Variants in TSPYL2 observed in about 807,000 individuals in gnomAD.
TSPYL2 encodes the protein TSPY like 2, also known as testis-specific Y-encoded-like protein 2.
In TSPYL2, 9 loss-of-function variants were observed where a neutral mutation model predicts 33.0. The observed-to-expected ratio is 0.27, with a 90% CI of 0.16 to 0.48. TSPYL2 has a LOEUF of 0.48. Among genes scored for constraint, TSPYL2 ranks in the 20% least tolerant of loss-of-function variants. The probability of loss-of-function intolerance (pLI) is 0.99; values close to 1 mark genes in which losing one functional copy is unlikely to be tolerated. For missense variants in TSPYL2, 636 were observed against 586.2 expected (o/e 1.08, Z -0.88); for synonymous variants, 330 against 233.6 (o/e 1.41, Z -3.77).
In TSPYL2 at chrX:53,086,140, G is replaced by A. The variant is rs371667688; in HGVS notation, c.1748G>A (p.Gly583Asp). ...DNDGNEGDNE[G>D]SDDDGNEGDN... The stretch of plus-strand genomic sequence containing the variant: ...GATGGCAACGAAGGTGACAATGAGG[G>A]CAGTGATGATGATGGCAATGAAGGT... Residue 583 changes from glycine (G) to aspartate (D), a missense_variant, in exon 6 of 7, where the codon GGC (glycine) becomes GAC (aspartate). This residue lies in a region of TSPYL2 where 401 missense variants were observed against 363.0 expected (regional missense o/e 1.10). Transcript: ENST00000375442. 4 of 1,195,308 alleles carry A rather than the reference G, an allele frequency of 3.3e-6. No homozygotes were observed. The highest frequency in any genetic ancestry group is 3.5e-5 in the African/African-American group (2 of 56,819).
At chrX:53,086,615 G>T (rs1283245423) in intron 6 of TSPYL2, 4 of 351,291 alleles carry the variant, frequency 1.1e-5, no homozygotes, top group Non-Finnish European at 2.0e-5. Context: ...CGAGGTGGGG[G>T]AGTGGCAAAA....
intron 6 of TSPYL2, 79 bp downstream of exon 6, chrX:53,086,389 GCATGAA>G: frequency 5.1e-6 from 5 of 981,107 alleles, no homozygotes; most frequent in Non-Finnish European, 7.1e-6. Context: ...GGGTATCAAG[GCATGAA>G]CACAATCTGC....
intron 3 of TSPYL2, 38 bp downstream of exon 3, chrX:53,084,904 C>A (rs1441746971): frequency 3.3e-6 from 4 of 1,208,902 alleles, no homozygotes; most frequent in African/African-American, 3.5e-5. Flanking sequence ...TGTTCCCCCC[C>A]TCAATCTGTC....
chrX:53,085,032 A>G lies in TSPYL2; in HGVS notation c.1076A>G (p.Asp359Gly). The change falls in exon 4 of 7, where the codon GAT (aspartate) becomes GGT (glycine). Residue 359 changes from aspartate to glycine, a missense_variant. Around this residue, in one of 3 missense-constraint regions of TSPYL2, gnomAD observed 401 missense variants for 363.0 expected, o/e 1.10. Coordinates refer to ENST00000375442, the MANE Select transcript of TSPYL2 (RefSeq NM_022117.4). ...EPQARRHGNQ[D>G]ASHSFFSWFS... ...CAGGCCCGTCGTCACGGGAACCAGG[A>G]TGCGAGCCACAGCTTTTTCAGCTGG... 1.7e-6 allele frequency: 2 copies of G among 1,211,716 alleles called. No individual in the cohort carries two copies. The highest frequency in any genetic ancestry group is 3.0e-5 in the East Asian group (1 of 33,836).
In TSPYL2 at chrX:53,082,395, C is replaced by G; in HGVS notation, c.-104C>G. Reference sequence around the variant, plus strand: ...GCGAGGTGGTGAGGAGAGCTGGTTGCGTGAGTCTCCTCAGCTCTGCTTACC... The same window carrying G: ...GCGAGGTGGTGAGGAGAGCTGGTTGGGTGAGTCTCCTCAGCTCTGCTTACC... On this transcript the variant is annotated 5_prime_UTR_variant, in exon 1 of 7. Coordinates refer to ENST00000375442, the MANE Select transcript of TSPYL2 (RefSeq NM_022117.4). 1 of 789,006 alleles carries G rather than the reference C, an allele frequency of 1.3e-6. No individual in the cohort carries two copies. Among genetic ancestry groups the G allele is most frequent in the Non-Finnish European group, 1.7e-6 (1 of 579,840 alleles). The allele number at this position is 789,006 out of a possible 1,213,427, so 65.0% of individuals were successfully genotyped here. A position where few individuals can be genotyped will look rare whatever the true frequency, so the allele number is the denominator to read the frequency against.
At position 53,086,165 on chromosome X, in the gene TSPYL2, T is replaced by G; in HGVS notation, c.1773T>G (p.Gly591=). The G allele has an allele frequency of 8.3e-7, 1 of 1,205,135 alleles. No individual in the cohort carries two copies. The highest frequency in any genetic ancestry group is 1.1e-6 in the Non-Finnish European group (1 of 892,111). Residue 591 remains glycine, a synonymous_variant, in exon 6 of 7, where the codon GGT becomes GGG. Transcript: ENST00000375442. ...GCAGTGATGATGATGGCAATGAAGG[T>G]GACAATGAAGGCAGCGATGATGACG... is the stretch of plus-strand genomic sequence containing the variant. ...NEGSDDDGNE[G]DNEGSDDDDR...
rs782609679 is a variant in TSPYL2 at position 53,085,189 on chromosome X, C to A, written c.1144-38C>A. ...TTAAGAGGAGGATCTGGAGCTTGTA[C>A]TAATGGCTGTCTTATTCCTTCTCCC... On this transcript the variant is annotated intron_variant, in intron 4 of 6. Transcript: ENST00000375442. The A allele has an allele frequency of 4.1e-5, 48 of 1,184,827 alleles. No individual in the cohort carries two copies. The East Asian group carries it at 1.4e-3, about 34-fold the overall frequency.
intron 5 of TSPYL2, 101 bp downstream of exon 5, chrX:53,085,422 C>T (rs1211561694): frequency 2.5e-6 from 2 of 794,606 alleles, no homozygotes; most frequent in Non-Finnish European, 3.6e-6. Context: ...TTGAGATAAT[C>T]CCAGTGGAAT....
rs782119989 is a variant in TSPYL2, at chrX:53,086,135, T to C, written c.1743T>C (p.Asn581=). ...DEDNDGNEGD[N]EGSDDDGNEG... is the part of the protein sequence containing the mutation. ...ATAATGATGGCAACGAAGGTGACAA[T>C]GAGGGCAGTGATGATGATGGCAATG... Residue 581 remains asparagine (N), a synonymous_variant, in exon 6 of 7, where the codon AAT becomes AAC. Coordinates refer to ENST00000375442, the MANE Select transcript of TSPYL2 (RefSeq NM_022117.4). 1.0e-5 allele frequency: 12 copies of C among 1,192,629 alleles called. No individual in the cohort carries two copies. Among genetic ancestry groups the C allele is most frequent in the Middle Eastern group, 2.3e-4 (1 of 4,363 alleles).
At position 53,085,698 on chromosome X, in the gene TSPYL2, A is replaced by G; in HGVS notation, c.1306A>G (p.Ile436Val). ...DAPDYYAVED[I>V]FSEISDIDET... ...CCCTGACTATTATGCAGTGGAAGAC[A>G]TTTTCAGCGAGATCTCAGACATTGA... The change falls in exon 6 of 7, where the codon ATT becomes GTT. Residue 436 changes from isoleucine (I) to valine (V), a missense_variant. Coordinates refer to ENST00000375442, the MANE Select transcript of TSPYL2 (RefSeq NM_022117.4). 8.3e-7 allele frequency: 1 copy of G among 1,211,776 alleles called. No individual in the cohort carries two copies. Among genetic ancestry groups the G allele is most frequent in the Non-Finnish European group, 1.1e-6 (1 of 895,508 alleles).
At position 53,088,245 on chromosome X, in the gene TSPYL2, C is replaced by T. The variant is rs1322490407; in HGVS notation, c.*306C>T. The T allele has an allele frequency of 1.4e-5, 4 of 278,563 alleles. No homozygotes were observed. Among genetic ancestry groups the T allele is most frequent in the Non-Finnish European group, 2.6e-5 (4 of 155,806 alleles). The allele number at this position is 278,563 out of a possible 1,213,427, so 23.0% of individuals were successfully genotyped here. ...CCACTTCTCCCAGTCAGTTGTGGCC[C>T]CAGCCCCTCTCCCTGTGCTGTGTGG... On this transcript the variant is annotated 3_prime_UTR_variant, in exon 7 of 7. Transcript: ENST00000375442.
At chrX:53,087,572 C>G (rs781996799) in intron 6 of TSPYL2, 11 of 421,841 alleles carry the variant, frequency 2.6e-5, no homozygotes, top group Non-Finnish European at 4.5e-5. Flanking sequence ...CTTCCTGCCT[C>G]CCTCCATCTC....
intron 6 of TSPYL2, 143 bp downstream of exon 6, chrX:53,086,453 G>GTT (rs1556808772): frequency 1.8e-6 from 1 of 550,589 alleles, no homozygotes; most frequent in Admixed American, 3.7e-5. Context: ...TTAAACAAAG[G>GTT]AAGTCCAGTG....
Position 53,082,753 on chromosome X carries a change from C to A in TSPYL2, c.255C>A (p.Arg85=). The change falls in exon 1 of 7, where the codon CGC becomes CGA. Residue 85 remains arginine (R), a synonymous_variant. Coordinates refer to ENST00000375442, the MANE Select transcript of TSPYL2 (RefSeq NM_022117.4). ...PYVILEEGGI[R]AYFTLGAECP... is the part of the protein sequence containing the mutation. ...TCATTCTCGAGGAGGGGGGGATCCGCGCATACTTCACGCTCGGTGCTGAGT... is the reference window on the plus strand; with the variant it reads ...TCATTCTCGAGGAGGGGGGGATCCGAGCATACTTCACGCTCGGTGCTGAGT... The A allele has an allele frequency of 8.5e-7, 1 of 1,182,040 alleles. No homozygotes were observed. Among genetic ancestry groups the A allele is most frequent in the Non-Finnish European group, 1.1e-6 (1 of 882,964 alleles).
At chrX:53,083,353 A>C in intron 1 of TSPYL2, 48 bp downstream of exon 1, 1 of 827,473 alleles carries the variant, frequency 1.2e-6, no homozygotes, top group African/African-American at 2.1e-5. Context: ...GTGACAGGAA[A>C]GGGGAAGGTG....
Position 53,087,952 on chromosome X carries a change from T to C in TSPYL2, c.*13T>C, listed in dbSNP as rs1556809223. The C allele has an allele frequency of 2.5e-6, 3 of 1,206,981 alleles. No homozygotes were observed. The highest frequency in any genetic ancestry group is 3.4e-6 in the Non-Finnish European group (3 of 892,242). ...GAAAACCGGATAAGGGTTTTCCCCTTTTGGGGATCACCTCTCTGTATCCCC... is the reference window on the plus strand; with the variant it reads ...GAAAACCGGATAAGGGTTTTCCCCTCTTGGGGATCACCTCTCTGTATCCCC... On this transcript the variant is annotated 3_prime_UTR_variant, in exon 7 of 7. Transcript: ENST00000375442.
intron 6 of TSPYL2, chrX:53,087,352 A>G (rs1354320565): frequency 2.5e-5 from 3 of 120,032 alleles, no homozygotes; most frequent in Non-Finnish European, 5.1e-5. Context: ...TGAGGGTGGG[A>G]GTGGGGGTGG....
intron 1 of TSPYL2, 100 bp from the exon 2 acceptor site, chrX:53,084,445 A>G: frequency 4.2e-6 from 3 of 711,412 alleles, no homozygotes; most frequent in Non-Finnish European, 6.3e-6. Flanking sequence ...CACAGAAGGA[A>G]TCCTCATGCT....
rs1556808440 is a variant in TSPYL2 at position 53,085,861 on chromosome X, A to G, written c.1469A>G (p.Asn490Ser). 2.5e-6 allele frequency: 3 copies of G among 1,211,608 alleles called. No individual in the cohort carries two copies. Among genetic ancestry groups the G allele is most frequent in the African/African-American group, 1.7e-5 (1 of 57,744 alleles). ...ENPDHNEVPN[N>S]ETTDNNESAD... is the part of the protein sequence containing the mutation. ...CCTGACCACAATGAGGTCCCCAACA[A>G]CGAGACCACTGATAACAACGAGAGT... The change falls in exon 6 of 7, where the codon AAC (asparagine) becomes AGC (serine). Residue 490 changes from asparagine (N) to serine (S), a missense_variant. Asn to Ser is a conservative substitution (Grantham distance 46). Coordinates refer to ENST00000375442, the MANE Select transcript of TSPYL2 (RefSeq NM_022117.4).
Sources: gnomAD v4.1 joint callset for allele counts on GRCh38, gnomAD v4.1.1 for gene constraint, gnomAD v4.1.1 regional missense constraint, MANE v1.5 for transcripts, NCBI Gene and HGNC (gene_info 2026-07-23, HGNC 2026-07-21) for gene names.